The following ATP7A variants were observed in gnomAD, a reference collection of about 807,000 sequenced individuals.
ATP7A encodes ATPase copper transporting alpha.
In ATP7A, 7 loss-of-function variants were observed where a neutral mutation model predicts 83.5. The observed-to-expected ratio is 0.08, with a 90% CI of 0.05 to 0.16. The LOEUF is 0.16. ATP7A is among the 10% of genes least tolerant of loss of function. The pLI is 1.00. For synonymous variants in ATP7A, 354 were observed against 395.2 expected (o/e 0.90, Z 1.24); for missense variants, 940 against 1,120.8 (o/e 0.84, Z 2.30).
At chrX:78,037,980 GTTTTTTTTTT>G (rs782643561) in intron 17 of ATP7A, among the ~76,000 whole-genome samples, 2 of 51,200 alleles carry the variant, frequency 3.9e-5, no homozygotes, top group South Asian at 1.8e-3. Context: ...ATCAAGAAAG[GTTTTTTTTTT>G]TTTTTTTTTT....
In ATP7A at chrX:78,042,647, A is replaced by G. The variant is rs2149111751; in HGVS notation, c.3864A>G (p.Gln1288=). 1.7e-6 allele frequency: 2 copies of G among 1,211,946 alleles called. No individual in the cohort carries two copies. The highest frequency in any genetic ancestry group is 3.5e-5 in the African/African-American group (2 of 57,818). The change falls in exon 20 of 23, where the codon CAA becomes CAG. Residue 1288 remains glutamine, a synonymous_variant. Coordinates refer to ENST00000341514, the MANE Select transcript of ATP7A (RefSeq NM_000052.7). ...CTCACAAGGTTGCTAAAGTGAAGCA[A>G]CTTCAAGAGGAGGGGAAACGGGTAG... is the stretch of plus-strand genomic sequence containing the variant. ...LPSHKVAKVK[Q]LQEEGKRVAM...
In ATP7A at chrX:78,029,453, G is replaced by C. The variant is rs1393817914; in HGVS notation, c.3111+9G>C. 8.3e-7 allele frequency: 1 copy of C among 1,201,025 alleles called. No homozygotes were observed. The highest frequency in any genetic ancestry group is 1.8e-5 in the African/African-American group (1 of 56,651). On this transcript the variant is annotated intron_variant, in intron 15 of 22. Coordinates refer to ENST00000341514, the MANE Select transcript of ATP7A (RefSeq NM_000052.7). ...TGGAGATGGCTCATAAGGTAAGACA[G>C]TCCCCAGAACTAAAACCTGTACCAC... is the stretch of plus-strand genomic sequence containing the variant.
At chrX:77,942,620 T>A (rs2077357685) in intron 1 of ATP7A, among the ~76,000 whole-genome samples, 1 of 109,950 alleles carries the variant, frequency 9.1e-6, no homozygotes, top group Non-Finnish European at 1.9e-5. Flanking sequence ...TAATTTTTTT[T>A]ATTTTTTGTA....
At chrX:78,009,935 C>G (rs782042706) in intron 7 of ATP7A, among the ~76,000 whole-genome samples, 2 of 112,814 alleles carry the variant, frequency 1.8e-5, no homozygotes, top group South Asian at 7.2e-4. Flanking sequence ...AACAAACAAA[C>G]AAACAAACAC....
chrX:77,962,425 G>A lies in ATP7A; in HGVS notation c.-21-9196G>A, dbSNP rs965570722. On this transcript the variant is annotated intron_variant, in intron 1 of 22. Transcript: ENST00000341514. ...CTGTGCTCAGGCCTGCTCCCATACT[G>A]TGGAGTGTACTTTCATTTTCAACAA... The A allele has an allele frequency of 1.0e-4, 22 of 215,702 alleles. 1 individual carries two copies. The highest frequency in any genetic ancestry group is 9.7e-4 in the Admixed American group (16 of 16,514). The allele number at this position is 215,702 out of a possible 1,213,427, so 17.8% of individuals were successfully genotyped here. A position where few individuals can be genotyped will look rare whatever the true frequency, so the allele number is the denominator to read the frequency against.
Position 78,000,999 on chromosome X carries a change from T to G in ATP7A, c.1544-2074T>G, listed in dbSNP as rs2077735511. ...ATTTTTAAAAAATGAACAGAAAGAG[T>G]TCTTATTATAGTTTGAAGAGTTTTT... On this transcript the variant is annotated intron_variant, in intron 5 of 22. Transcript: ENST00000341514. Among the ~76,000 whole-genome samples the G allele has an allele frequency of 2.7e-5, 3 of 111,693 alleles. No individual in the cohort carries two copies. In the Admixed American group the frequency reaches 2.9e-4, roughly 11 times the overall value.
intron 12 of ATP7A, 73 bp from the exon 13 acceptor site, chrX:78,020,171 A>G: frequency 4.6e-6 from 5 of 1,088,142 alleles, no homozygotes; most frequent in Non-Finnish European, 6.4e-6. Flanking sequence ...ATTTTTGACA[A>G]GTAACAAATA....
intron 1 of ATP7A, among the ~76,000 whole-genome samples, chrX:77,940,612 C>A (rs950133443): frequency 1.8e-5 from 2 of 111,249 alleles, no homozygotes; most frequent in African/African-American, 3.3e-5. Context: ...AATTAAAAAA[C>A]CCCACAAACA....
rs782072905 is a variant in ATP7A at position 77,919,871 on chromosome X, C to T, written c.-22+9036C>T. On this transcript the variant is annotated intron_variant, in intron 1 of 22. Coordinates refer to ENST00000341514, the MANE Select transcript of ATP7A (RefSeq NM_000052.7). The stretch of plus-strand genomic sequence containing the variant: ...TACAATCATCACTGTTATGCATTTC[C>T]AGATTTTTTTCATCATCCCAAACTG... Among the ~76,000 whole-genome samples, 3 of 112,107 alleles carry T rather than the reference C, an allele frequency of 2.7e-5. No individual in the cohort carries two copies. The East Asian group carries it at 8.4e-4, about 31-fold the overall frequency.
At chrX:77,954,070 G>A (rs1371968019) in intron 1 of ATP7A, among the ~76,000 whole-genome samples, 1 of 111,698 alleles carries the variant, frequency 9.0e-6, no homozygotes, top group Non-Finnish European at 1.9e-5. Context: ...GTTCTTTTTT[G>A]ACCTTATTAC....
intron 20 of ATP7A, 104 bp downstream of exon 20, chrX:78,042,892 T>A: frequency 1.1e-6 from 1 of 928,652 alleles, no homozygotes; most frequent in East Asian, 3.1e-5. Flanking sequence ...TTAAGTTCCA[T>A]GCTATCAGCC....
Position 77,989,214 on chromosome X carries a change from A to G in ATP7A, c.611-19A>G. 8.4e-7 allele frequency: 1 copy of G among 1,192,782 alleles called. No individual in the cohort carries two copies. Among genetic ancestry groups the G allele is most frequent in the Non-Finnish European group, 1.1e-6 (1 of 883,384 alleles). ...GCCCAGGAATAACTGAATTAATTAT[A>G]TTTCTTTTTATTAACTAGTCTCCCT... On this transcript the variant is annotated intron_variant, in intron 3 of 22. Transcript: ENST00000341514.
At chrX:78,035,737 C>T (rs782496731) in intron 17 of ATP7A, among the ~76,000 whole-genome samples, 1 of 111,831 alleles carries the variant, frequency 8.9e-6, no homozygotes, top group South Asian at 3.8e-4. Context: ...TAGATCATTT[C>T]ATTTACCATT....
At position 78,028,087 on chromosome X, in the gene ATP7A, A is replaced by G. The variant is rs897004128; in HGVS notation, c.2917-1163A>G. Reference sequence around the variant, plus strand: ...GCCCAGGCAGGAATGCAGTGGTGCAATCATGGCTCACTGCAGCCTCAAACT... The same window carrying G: ...GCCCAGGCAGGAATGCAGTGGTGCAGTCATGGCTCACTGCAGCCTCAAACT... On this transcript the variant is annotated intron_variant, in intron 14 of 22. Transcript: ENST00000341514. Among the ~76,000 whole-genome samples the G allele has an allele frequency of 8.2e-5, 9 of 109,503 alleles. No homozygotes were observed. The Admixed American group carries it at 8.9e-4, about 11-fold the overall frequency.
chrX:77,923,206 A>G (rs1308798039), intron 1 of ATP7A: 3 of 112,281 alleles, frequency 2.7e-5, no homozygotes, highest in Admixed American at 9.5e-5. Context: ...AATATGCTAT[A>G]TGAATGTAAA....
At chrX:77,972,325 A>G (rs1380568578) in intron 2 of ATP7A, among the ~76,000 whole-genome samples, 3 of 110,074 alleles carry the variant, frequency 2.7e-5, no homozygotes, top group African/African-American at 6.6e-5. Context: ...CCAAGTACCT[A>G]GGACCACAGG....
chrX:78,000,604 A>T (rs183504119), intron 5 of ATP7A, among the ~76,000 whole-genome samples: 1 of 107,063 alleles, frequency 9.3e-6, no homozygotes, highest in Non-Finnish European at 1.9e-5. Flanking sequence ...ATATTTATAT[A>T]TATTTTATAA....
In ATP7A at chrX:77,999,783, A is replaced by AG. The variant is rs782243706; in HGVS notation, c.1543+1100dup. On this transcript the variant is annotated intron_variant, in intron 5 of 22. Transcript: ENST00000341514. ...GCTGGGTGTAGTGGCGCATGCCTGG[A>AG]GTCCCAGCTACTTGGGAGGCTGAGG... 2.3e-3 allele frequency among the ~76,000 whole-genome samples: 249 copies of AG among 110,395 alleles called. 1 individual carries two copies. The highest frequency in any genetic ancestry group is 7.5e-3 in the African/African-American group (229 of 30,373).
At position 77,989,416 on chromosome X, in the gene ATP7A, G is replaced by A; in HGVS notation, c.794G>A (p.Gly265Glu). 1 of 1,211,159 alleles carries A rather than the reference G, an allele frequency of 8.3e-7. No individual in the cohort carries two copies. The highest frequency in any genetic ancestry group is 1.1e-6 in the Non-Finnish European group (1 of 895,182). ...LKNTPVKSSE[G>E]SQQRSPSYTN... ...AACACACCAGTTAAATCCTCAGAAG[G>A]GTCACAGCAAAGGAGTCCATCATAT... Residue 265 changes from glycine to glutamate, a missense_variant, in exon 4 of 23, where the codon GGG (glycine) becomes GAG (glutamate). This residue lies in a region of ATP7A where 350 missense variants were observed against 432.8 expected (regional missense o/e 0.81). Coordinates refer to ENST00000341514, the MANE Select transcript of ATP7A (RefSeq NM_000052.7).
Sources: allele counts gnomAD v4.1 joint callset (sites outside exome capture counted in the v4.1 genomes callset), GRCh38; gene constraint gnomAD v4.1.1; regional missense constraint gnomAD v4.1.1; transcripts MANE v1.5; gene names NCBI Gene and HGNC (gene_info 2026-07-23, HGNC 2026-07-21).